BCL11B: variants seen among roughly 807,000 people sequenced by gnomAD.
BCL11B encodes the protein BCL11 transcription factor B, also known as B-cell lymphoma/leukemia 11B.
BCL11B carries 8 observed loss-of-function variants against 49.9 expected under a neutral mutation model. The observed-to-expected ratio is 0.16, with a 90% confidence interval of 0.09 to 0.29. BCL11B has a LOEUF of 0.29. Ranked by LOEUF, BCL11B falls within the 10% of genes least tolerant of loss-of-function variation. BCL11B has a pLI of 1.00. For missense variants in BCL11B, 1,006 were observed against 1,351.0 expected (o/e 0.74, Z 4.00); for synonymous variants, 739 against 637.4 (o/e 1.16, Z -2.40).
rs1000327463 is a variant in BCL11B at position 99,271,305 on chromosome 14, TGCCGCCGCTGCCGCCGCCGCCGCCGCC to T, written c.-114_-88del. On this transcript the variant is annotated 5_prime_UTR_variant, in exon 1 of 4. Coordinates refer to ENST00000357195, the MANE Select transcript of BCL11B (RefSeq NM_138576.4). Reference sequence around the variant, plus strand: ...GGGGTCCGAGCCGCCGCCGCGCCGCTGCCGCCGCTGCCGCCGCCGCCGCCGCCGCCGCACCTCCTCCTCTGCCCGGGT... The same window carrying T: ...GGGGTCCGAGCCGCCGCCGCGCCGCTGCCGCACCTCCTCCTCTGCCCGGGT... 2.4e-6 allele frequency: 2 copies of T among 851,006 alleles called. No homozygotes were observed. The highest frequency in any genetic ancestry group is 3.1e-6 in the Non-Finnish European group (2 of 650,014). The allele number at this position is 851,006 out of a possible 1,614,324, so 52.7% of individuals were successfully genotyped here. A position where few individuals can be genotyped will look rare whatever the true frequency, so the allele number is the denominator to read the frequency against.
chr14:99,237,617 G>C (rs533667447), intron 2 of BCL11B, among the ~76,000 whole-genome samples: 1 of 152,176 alleles, frequency 6.6e-6, no homozygotes, highest in Non-Finnish European at 1.5e-5. Flanking sequence ...GTCCCTTGTT[G>C]CCACGGGTTT....
At chr14:99,203,907 C>T (rs1887459140) in intron 3 of BCL11B, among the ~76,000 whole-genome samples, 1 of 143,368 alleles carries the variant, frequency 7.0e-6, no homozygotes, top group Admixed American at 7.2e-5. Flanking sequence ...CCCCAAGCGC[C>T]CCTGAACCCC....
intron 2 of BCL11B, among the ~76,000 whole-genome samples, chr14:99,236,766 G>A (rs1888512317): frequency 6.6e-6 from 1 of 152,172 alleles, no homozygotes; most frequent in African/African-American, 2.4e-5. Flanking sequence ...TCAGGGCCGT[G>A]AGGAAAAGCG....
Position 99,267,275 on chromosome 14 carries a change from A to AAAAAG in BCL11B, c.58+3881_58+3885dup, listed in dbSNP as rs373193217. Among the ~76,000 whole-genome samples, 579 of 152,246 alleles carry AAAAAG rather than the reference A, an allele frequency of 3.8e-3. 3 individuals are homozygous for AAAAAG. Among genetic ancestry groups the AAAAAG allele is most frequent in the African/African-American group, 0.013 (522 of 41,502 alleles). The stretch of plus-strand genomic sequence containing the variant: ...GCAGATAGCAACCTCCCCATCAAAA[A>AAAAAG]AAAAGAAAAGAAAAGAAAAGAAAAG... On this transcript the variant is annotated intron_variant, in intron 1 of 3. Transcript: ENST00000357195.
At chr14:99,209,367 C>T (rs909009288) in intron 3 of BCL11B, among the ~76,000 whole-genome samples, 9 of 152,118 alleles carry the variant, frequency 5.9e-5, no homozygotes, top group African/African-American at 1.7e-4. Flanking sequence ...GGGACTCCTG[C>T]GCGACCAGAG....
chr14:99,267,109 C>T (rs1026551022), intron 1 of BCL11B, among the ~76,000 whole-genome samples: 6 of 152,096 alleles, frequency 3.9e-5, no homozygotes, highest in Non-Finnish European at 4.4e-5. Flanking sequence ...ACAACACACC[C>T]AACCAGCTAA....
At chr14:99,186,284 G>A (rs1435491969) in intron 3 of BCL11B, among the ~76,000 whole-genome samples, 1 of 152,220 alleles carries the variant, frequency 6.6e-6, no homozygotes, top group Non-Finnish European at 1.5e-5. Context: ...ACTTTGGGAG[G>A]CCAAGGCATG....
chr14:99,169,887 C>T lies in BCL11B; in HGVS notation c.*4264G>A, dbSNP rs1204317919. ...CCCTCTAATGCCAAGTGGCAGGTTC[C>T]AATTGGGGGCAACTTTGAACAAAGT... is the stretch of plus-strand genomic sequence containing the variant. On this transcript the variant is annotated 3_prime_UTR_variant, in exon 4 of 4. Transcript: ENST00000357195. 1 of 229,656 alleles carries T rather than the reference C, an allele frequency of 4.4e-6. No individual in the cohort carries two copies. The highest frequency in any genetic ancestry group is 8.7e-6 in the Non-Finnish European group (1 of 115,582). 14.2% of individuals were successfully genotyped at this position (229,656 alleles called of 1,614,324 possible). A position where few individuals can be genotyped will look rare whatever the true frequency, so the allele number is the denominator to read the frequency against.
intron 2 of BCL11B, among the ~76,000 whole-genome samples, chr14:99,253,988 C>T (rs1023820014): frequency 6.6e-6 from 1 of 152,244 alleles, no homozygotes; most frequent in African/African-American, 2.4e-5. Context: ...AGGACCTCCT[C>T]CGTCCACAGC....
At chr14:99,255,843 C>T (rs970535369) in intron 2 of BCL11B, among the ~76,000 whole-genome samples, 14 of 152,346 alleles carry the variant, frequency 9.2e-5, no homozygotes, top group Admixed American at 3.9e-4. Flanking sequence ...TGTTTACATG[C>T]CGGTGGCCTG....
chr14:99,178,080 G>A (rs1328164400), intron 3 of BCL11B, among the ~76,000 whole-genome samples: 1 of 152,104 alleles, frequency 6.6e-6, no homozygotes, highest in African/African-American at 2.4e-5. Flanking sequence ...GCTTCGTGCT[G>A]TCCGAGGGGC....
chr14:99,188,985 T>C (rs369640272), intron 3 of BCL11B, among the ~76,000 whole-genome samples: 1 of 152,218 alleles, frequency 6.6e-6, no homozygotes, highest in East Asian at 1.9e-4. Flanking sequence ...GTGCCACAAA[T>C]GGTATTTTAC....
intron 2 of BCL11B, among the ~76,000 whole-genome samples, chr14:99,236,194 G>A (rs1246467803): frequency 6.6e-6 from 1 of 152,174 alleles, no homozygotes; most frequent in African/African-American, 2.4e-5. Context: ...AGGAAAGGCA[G>A]CGCCAAATTT....
At chr14:99,230,485 C>G (rs984607753) in intron 3 of BCL11B, among the ~76,000 whole-genome samples, 3 of 152,146 alleles carry the variant, frequency 2.0e-5, no homozygotes. Flanking sequence ...AGTGCTTTCA[C>G]GCCAGGCCCT....
intron 3 of BCL11B, among the ~76,000 whole-genome samples, chr14:99,187,831 T>C (rs1451686963): frequency 2.0e-5 from 3 of 151,782 alleles, no homozygotes; most frequent in African/African-American, 7.3e-5. Context: ...AATTCAAGAC[T>C]TCCTTCACCA....
At chr14:99,197,842 A>AC (rs1169176434) in intron 3 of BCL11B, among the ~76,000 whole-genome samples, 2 of 151,798 alleles carry the variant, frequency 1.3e-5, no homozygotes, top group African/African-American at 4.8e-5. Context: ...TGGGTCATGC[A>AC]CCCCCAGCCC....
chr14:99,227,937 T>C (rs558403230), intron 3 of BCL11B, among the ~76,000 whole-genome samples: 2 of 152,014 alleles, frequency 1.3e-5, no homozygotes, highest in African/African-American at 4.8e-5. Context: ...ACTGCGACCA[T>C]TGGAAAGAGG....
rs1193105153 is a variant in BCL11B, at chr14:99,195,583, T to C, written c.641-19388A>G. Among the ~76,000 whole-genome samples the C allele has an allele frequency of 2.0e-5, 3 of 152,080 alleles. No individual in the cohort carries two copies. The highest frequency in any genetic ancestry group is 4.4e-5 in the Non-Finnish European group (3 of 68,024). On this transcript the variant is annotated intron_variant, in intron 3 of 3. Coordinates refer to ENST00000357195, the MANE Select transcript of BCL11B (RefSeq NM_138576.4). The surrounding 1 kb of genome is among the most constrained non-coding windows in gnomAD (Gnocchi z 4.7). ...CCCACAAGGCTCGTATGCCTTGGATTCCACATGGAGGATCCAAGCTCAGAG... is the reference window on the plus strand; with the variant it reads ...CCCACAAGGCTCGTATGCCTTGGATCCCACATGGAGGATCCAAGCTCAGAG...
intron 3 of BCL11B, among the ~76,000 whole-genome samples, chr14:99,185,629 G>C (rs1329939271): frequency 1.3e-5 from 2 of 152,040 alleles, no homozygotes; most frequent in African/African-American, 4.8e-5. Flanking sequence ...AGGCAGGTCG[G>C]GGGAAATGGG....
Sources: allele counts gnomAD v4.1 joint callset (sites outside exome capture counted in the v4.1 genomes callset), GRCh38; gene constraint gnomAD v4.1.1; non-coding constraint Gnocchi (gnomAD v3.1); transcripts MANE v1.5; gene names NCBI Gene and HGNC (gene_info 2026-07-23, HGNC 2026-07-21).